The following USP6NL variants were observed in gnomAD, a reference collection of about 807,000 sequenced individuals.
The protein encoded by USP6NL is USP6 N-terminal-like protein.
In USP6NL, 26 loss-of-function variants were observed where a neutral mutation model predicts 61.9. The observed-to-expected ratio is 0.42, with a 90% CI of 0.31 to 0.58. USP6NL has a LOEUF of 0.58. Ranked by LOEUF, USP6NL falls within the 20% of genes least tolerant of loss-of-function variation. USP6NL has a pLI of 0.16. For synonymous variants in USP6NL, 432 were observed against 390.1 expected (o/e 1.11, Z -1.27); for missense variants, 1,114 against 1,034.3 (o/e 1.08, Z -1.06).
intron 14 of USP6NL, among the ~76,000 whole-genome samples, chr10:11,475,846 G>A (rs1021107172): frequency 4.6e-5 from 7 of 151,824 alleles, no homozygotes; most frequent in Non-Finnish European, 8.8e-5. Flanking sequence ...TATGATTATC[G>A]TCAGCAAACT....
intron 2 of USP6NL, among the ~76,000 whole-genome samples, chr10:11,535,996 G>T (rs533209014): frequency 6.6e-6 from 1 of 152,286 alleles, no homozygotes; most frequent in Non-Finnish European, 1.5e-5. Flanking sequence ...CTCAGAGGAG[G>T]AATGAGCAGT....
At position 11,518,672 on chromosome 10, in the gene USP6NL, T is replaced by C; in HGVS notation, c.156-98A>G. Reference sequence around the variant, plus strand: ...GATACATATGACATACAATATTTATTTGTCATCACAAGAGTTACATAGGCT... The same window carrying C: ...GATACATATGACATACAATATTTATCTGTCATCACAAGAGTTACATAGGCT... On this transcript the variant is annotated intron_variant, in intron 4 of 14. Transcript: ENST00000609104. This position sits in a 1 kb window ranked among gnomAD's most constrained non-coding sequence, Gnocchi z 5.3. 1 of 916,248 alleles carries C rather than the reference T, an allele frequency of 1.1e-6. No homozygotes were observed. Among genetic ancestry groups the C allele is most frequent in the Non-Finnish European group, 1.7e-6 (1 of 592,456 alleles). 56.8% of individuals were successfully genotyped at this position (916,248 alleles called of 1,614,324 possible). A position where few individuals can be genotyped will look rare whatever the true frequency, so the allele number is the denominator to read the frequency against.
intron 4 of USP6NL, among the ~76,000 whole-genome samples, chr10:11,524,152 T>C (rs2133392055): frequency 6.6e-6 from 1 of 152,262 alleles, no homozygotes; most frequent in Middle Eastern, 3.4e-3. Context: ...CAAAGGCTTC[T>C]GATTATAGAG....
At chr10:11,580,966 C>CA (rs1837743410) in intron 2 of USP6NL, among the ~76,000 whole-genome samples, 2 of 152,064 alleles carry the variant, frequency 1.3e-5, no homozygotes, top group South Asian at 4.2e-4. Flanking sequence ...ATAAAAAGTA[C>CA]AAGAGTACTG....
At chr10:11,567,992 T>C (rs1410604951) in intron 2 of USP6NL, among the ~76,000 whole-genome samples, 1 of 151,922 alleles carries the variant, frequency 6.6e-6, no homozygotes, top group Non-Finnish European at 1.5e-5. Flanking sequence ...TAACCACTTC[T>C]GCGCTGCCTT....
rs1396545204 is a variant in USP6NL at position 11,462,341 on chromosome 10, G to A, written c.*100C>T. The A allele has an allele frequency of 7.5e-7, 1 of 1,329,316 alleles. No individual in the cohort carries two copies. Among genetic ancestry groups the A allele is most frequent in the East Asian group, 2.5e-5 (1 of 40,224 alleles). 82.3% of individuals were successfully genotyped at this position (1,329,316 alleles called of 1,614,324 possible). On this transcript the variant is annotated 3_prime_UTR_variant, in exon 15 of 15. Coordinates refer to ENST00000609104, the MANE Select transcript of USP6NL (RefSeq NM_014688.5). Reference sequence around the variant, plus strand: ...ACTAACAGACAGGAGAGATGTGCGAGTTGTTTACAATAGTATAAATACTGC... The same window carrying A: ...ACTAACAGACAGGAGAGATGTGCGAATTGTTTACAATAGTATAAATACTGC...
intron 14 of USP6NL, among the ~76,000 whole-genome samples, chr10:11,477,944 TA>T (rs981593369): frequency 5.9e-5 from 9 of 152,194 alleles, no homozygotes; most frequent in African/African-American, 1.9e-4. Flanking sequence ...AGCTATTTTC[TA>T]AAAAACAGAT....
rs1273032989 is a variant in USP6NL, at chr10:11,461,524, A to C, written c.*917T>G. ...AGAAGAAAGAAGTAACCACACTGCT[A>C]ATGCAGTTAGTGTGGCTGCCCCACA... On this transcript the variant is annotated 3_prime_UTR_variant, in exon 15 of 15. Coordinates refer to ENST00000609104, the MANE Select transcript of USP6NL (RefSeq NM_014688.5). 1 of 152,188 alleles carries C rather than the reference A, an allele frequency of 6.6e-6. No individual in the cohort carries two copies. The highest frequency in any genetic ancestry group is 1.5e-5 in the Non-Finnish European group (1 of 68,050). 9.4% of individuals were successfully genotyped at this position (152,188 alleles called of 1,614,324 possible).
intron 5 of USP6NL, among the ~76,000 whole-genome samples, chr10:11,512,469 C>T (rs1365265070): frequency 2.0e-5 from 3 of 152,190 alleles, no homozygotes; most frequent in African/African-American, 7.2e-5. Context: ...AGCCTCCACA[C>T]TGCTACCACA....
chr10:11,546,276 G>A (rs969146893), intron 2 of USP6NL, among the ~76,000 whole-genome samples: 1 of 152,200 alleles, frequency 6.6e-6, no homozygotes, highest in Non-Finnish European at 1.5e-5. Context: ...TTTCTAACAT[G>A]AATAGAAAAC....
At position 11,460,836 on chromosome 10, in the gene USP6NL, G is replaced by C. The variant is rs943034750; in HGVS notation, c.*1605C>G. 6.6e-6 allele frequency: 1 copy of C among 152,208 alleles called. No homozygotes were observed. The highest frequency in any genetic ancestry group is 2.4e-5 in the African/African-American group (1 of 41,374). 9.4% of individuals were successfully genotyped at this position (152,208 alleles called of 1,614,324 possible). On this transcript the variant is annotated 3_prime_UTR_variant, in exon 15 of 15. Coordinates refer to ENST00000609104, the MANE Select transcript of USP6NL (RefSeq NM_014688.5). ...TTATTTCTCAGCTTCCACCTGACCT[G>C]CATCAACAGCCCAGTTATTTCACCA...
chr10:11,502,131 T>G (rs1396468517), intron 6 of USP6NL, among the ~76,000 whole-genome samples: 1 of 151,696 alleles, frequency 6.6e-6, no homozygotes, highest in Non-Finnish European at 1.5e-5. Flanking sequence ...TGGTGGTGGG[T>G]GCCTGTAGTC....
Position 11,485,993 on chromosome 10 carries a change from G to T in USP6NL, c.665-82C>A. 2 of 975,704 alleles carry T rather than the reference G, an allele frequency of 2.0e-6. No homozygotes were observed. Among genetic ancestry groups the T allele is most frequent in the Non-Finnish European group, 2.9e-6 (2 of 684,170 alleles). The allele number at this position is 975,704 out of a possible 1,614,324, so 60.4% of individuals were successfully genotyped here. ...TCTTAAAACACAACATATTTCATTT[G>T]TAACTGTCAAAAATAAAAAGAAACA... On this transcript the variant is annotated intron_variant, in intron 10 of 14. Coordinates refer to ENST00000609104, the MANE Select transcript of USP6NL (RefSeq NM_014688.5). This position sits in a 1 kb window ranked among gnomAD's most constrained non-coding sequence, Gnocchi z 4.8.
intron 6 of USP6NL, among the ~76,000 whole-genome samples, chr10:11,503,153 T>C (rs1834283602): frequency 6.6e-6 from 1 of 152,206 alleles, no homozygotes; most frequent in Non-Finnish European, 1.5e-5. Flanking sequence ...AGGCAACTGA[T>C]TTGAATAACA....
At chr10:11,610,033 A>C (rs1422940021) in intron 1 of USP6NL, among the ~76,000 whole-genome samples, 3 of 152,196 alleles carry the variant, frequency 2.0e-5, no homozygotes, top group Non-Finnish European at 2.9e-5. Context: ...TTGGCAAAGG[A>C]TGTTTCTTTG....
intron 4 of USP6NL, among the ~76,000 whole-genome samples, chr10:11,519,875 A>T (rs1195675095): frequency 6.6e-5 from 10 of 152,144 alleles, no homozygotes; most frequent in Admixed American, 6.5e-4. Context: ...TTTTGGCAAC[A>T]CTATGTTTAT....
intron 5 of USP6NL, among the ~76,000 whole-genome samples, chr10:11,514,669 C>CA (rs1834878995): frequency 6.6e-6 from 1 of 152,144 alleles, no homozygotes; most frequent in South Asian, 2.1e-4. Flanking sequence ...CTCCCTATCC[C>CA]AACCTGCAGT....
rs1252796797 is a variant in USP6NL, at chr10:11,600,027, C to T, written c.-83-2310G>A. Among the ~76,000 whole-genome samples the T allele has an allele frequency of 6.6e-6, 1 of 152,114 alleles. No homozygotes were observed. The highest frequency in any genetic ancestry group is 2.4e-5 in the African/African-American group (1 of 41,424). Reference sequence around the variant, plus strand: ...TGGAACAAGGTAGTTGAGCAGCACACAGGAGAAAATGTTTAGACTCCCTTT... The same window carrying T: ...TGGAACAAGGTAGTTGAGCAGCACATAGGAGAAAATGTTTAGACTCCCTTT... On this transcript the variant is annotated intron_variant, in intron 1 of 14. Coordinates refer to ENST00000609104, the MANE Select transcript of USP6NL (RefSeq NM_014688.5). This position sits in a 1 kb window ranked among gnomAD's most constrained non-coding sequence, Gnocchi z 4.1.
At chr10:11,479,636 C>T (rs907257588) in intron 14 of USP6NL, among the ~76,000 whole-genome samples, 4 of 148,578 alleles carry the variant, frequency 2.7e-5, no homozygotes, top group African/African-American at 5.0e-5. Context: ...AGCGCAGTGA[C>T]GCGATCTCAG....
Sources: allele counts gnomAD v4.1 joint callset (sites outside exome capture counted in the v4.1 genomes callset), GRCh38; gene constraint gnomAD v4.1.1; non-coding constraint Gnocchi (gnomAD v3.1); transcripts MANE v1.5; gene names NCBI Gene and HGNC (gene_info 2026-07-23, HGNC 2026-07-21).